The following SLC24A3 variants were observed in gnomAD, a reference collection of about 807,000 sequenced individuals.
SLC24A3 encodes the protein sodium/potassium/calcium exchanger 3.
SLC24A3 carries 28 observed loss-of-function variants against 75.8 expected under a neutral mutation model. The ratio of observed to expected loss-of-function variants is 0.37; its 90% CI spans 0.27 to 0.51. The LOEUF (loss-of-function observed/expected upper bound fraction) is 0.51, where lower values mean the gene tolerates loss of function less well. Ranked by LOEUF, SLC24A3 falls within the 20% of genes least tolerant of loss-of-function variation. SLC24A3 has a pLI of 0.94. For missense variants in SLC24A3, 663 were observed against 847.8 expected, an observed-to-expected ratio of 0.78 and a Z score of 2.71; for synonymous variants, 372 against 334.1, an observed-to-expected ratio of 1.11 and a Z score of -1.24.
chr20:19,520,876 T>C (rs1380985921), intron 3 of SLC24A3, among the ~76,000 whole-genome samples: 1 of 152,222 alleles, frequency 6.6e-6, no homozygotes, highest in East Asian at 1.9e-4. Context: ...CAGAATGTGC[T>C]TTCTGTCTCA....
chr20:19,589,219 G>T (rs1411671509), intron 6 of SLC24A3, among the ~76,000 whole-genome samples: 1 of 152,268 alleles, frequency 6.6e-6, no homozygotes, highest in Non-Finnish European at 1.5e-5. Flanking sequence ...GTGGAGGAAA[G>T]TGTGTTAGCA....
intron 2 of SLC24A3, among the ~76,000 whole-genome samples, chr20:19,356,852 TTAA>T (rs11275262): frequency 8.7e-5 from 13 of 149,818 alleles, no homozygotes; most frequent in Non-Finnish European, 1.2e-4. Context: ...AGACTTTGCA[TTAA>T]TAATAATAAT....
intron 3 of SLC24A3, among the ~76,000 whole-genome samples, chr20:19,571,433 A>C (rs1443089738): frequency 2.6e-5 from 4 of 152,158 alleles, no homozygotes; most frequent in African/African-American, 9.7e-5. Flanking sequence ...ATTGTGAAAA[A>C]GGCATCTTCA....
intron 2 of SLC24A3, among the ~76,000 whole-genome samples, chr20:19,499,818 A>G (rs1988357728): frequency 6.6e-6 from 1 of 152,168 alleles, no homozygotes; most frequent in Non-Finnish European, 1.5e-5. Context: ...ACACACATGG[A>G]TGCTACATAC....
chr20:19,314,691 G>A (rs1276123203), intron 2 of SLC24A3, among the ~76,000 whole-genome samples: 2 of 152,306 alleles, frequency 1.3e-5, no homozygotes, highest in African/African-American at 2.4e-5. Context: ...GAGTTGCTGC[G>A]GAAGCTTCTC....
chr20:19,230,757 G>A (rs1981998754), intron 1 of SLC24A3, among the ~76,000 whole-genome samples: 1 of 152,062 alleles, frequency 6.6e-6, no homozygotes. Flanking sequence ...CCCTTCCACA[G>A]TCCGCATGTC....
intron 6 of SLC24A3, among the ~76,000 whole-genome samples, chr20:19,594,703 G>T (rs1386460866): frequency 1.3e-5 from 2 of 152,142 alleles, no homozygotes; most frequent in African/African-American, 2.4e-5. Context: ...TGGCTGAGTG[G>T]ATGGATGGAT....
intron 2 of SLC24A3, among the ~76,000 whole-genome samples, chr20:19,374,591 T>C (rs900629022): frequency 2.6e-5 from 4 of 152,216 alleles, no homozygotes; most frequent in African/African-American, 7.2e-5. Context: ...TAATATGCAC[T>C]GTCCTTTCAC....
At chr20:19,234,766 G>A (rs1026203370) in intron 1 of SLC24A3, among the ~76,000 whole-genome samples, 2 of 152,188 alleles carry the variant, frequency 1.3e-5, no homozygotes, top group African/African-American at 2.4e-5. Flanking sequence ...CTGGGAAGAG[G>A]AACAGCACCT....
intron 2 of SLC24A3, among the ~76,000 whole-genome samples, chr20:19,492,997 T>G (rs961736326): frequency 6.6e-6 from 1 of 152,222 alleles, no homozygotes; most frequent in African/African-American, 2.4e-5. Context: ...CAATAATGTT[T>G]TATATGTCTC....
chr20:19,366,798 GA>G (rs138223724), intron 2 of SLC24A3, among the ~76,000 whole-genome samples: 2,951 of 152,290 alleles, frequency 0.019, 99 homozygotes, highest in African/African-American at 0.068. Context: ...AAAATATTTG[GA>G]AGGTAAAATA....
intron 15 of SLC24A3, among the ~76,000 whole-genome samples, chr20:19,705,801 T>G (rs1376976098): frequency 6.6e-6 from 1 of 152,186 alleles, no homozygotes; most frequent in Admixed American, 6.5e-5. Flanking sequence ...GTTTAAGCAT[T>G]TGGCAGGGAA....
chr20:19,572,470 G>A (rs1037764918), intron 3 of SLC24A3, among the ~76,000 whole-genome samples: 2 of 143,822 alleles, frequency 1.4e-5, no homozygotes, highest in African/African-American at 5.2e-5. Flanking sequence ...AGCCCACTCA[G>A]GGGTACTGAT....
chr20:19,333,397 C>T (rs1985045317), intron 2 of SLC24A3, among the ~76,000 whole-genome samples: 1 of 152,132 alleles, frequency 6.6e-6, no homozygotes, highest in South Asian at 2.1e-4. Context: ...GTGGGAGCTT[C>T]AGTGGCCCCA....
At chr20:19,271,217 G>A (rs1415553899) in intron 1 of SLC24A3, among the ~76,000 whole-genome samples, 1 of 152,084 alleles carries the variant, frequency 6.6e-6, no homozygotes, top group African/African-American at 2.4e-5. Context: ...GAAGCCTTCT[G>A]AAGCAATTTC....
chr20:19,370,441 G>T (rs997166277), intron 2 of SLC24A3, among the ~76,000 whole-genome samples: 1 of 152,206 alleles, frequency 6.6e-6, no homozygotes, highest in African/African-American at 2.4e-5. Context: ...GGCACCCACA[G>T]CCTCTATGGG....
intron 3 of SLC24A3, among the ~76,000 whole-genome samples, chr20:19,522,713 G>A (rs2030124240): frequency 6.6e-6 from 1 of 152,154 alleles, no homozygotes; most frequent in Non-Finnish European, 1.5e-5. Flanking sequence ...ACAGAACGGG[G>A]TGGCGCAGGA....
intron 3 of SLC24A3, among the ~76,000 whole-genome samples, chr20:19,518,983 T>G (rs1229361501): frequency 4.0e-5 from 6 of 151,614 alleles, no homozygotes; most frequent in African/African-American, 1.5e-4. Context: ...GGCAGGGGAG[T>G]GATGGTCTTC....
rs186755293 is a variant in SLC24A3 at position 19,711,447 on chromosome 20, C to T, written c.1720-6081C>T. On this transcript the variant is annotated intron_variant, in intron 15 of 16. Transcript: ENST00000328041. ...ACACATGCAAACACATGCAGGCAAACGCGTGCACACACACACATGCACAAA... is the reference window on the plus strand; with the variant it reads ...ACACATGCAAACACATGCAGGCAAATGCGTGCACACACACACATGCACAAA... Among the ~76,000 whole-genome samples, 25 of 151,546 alleles carry T rather than the reference C, an allele frequency of 1.6e-4. 1 individual carries two copies. Among genetic ancestry groups the T allele is most frequent in the East Asian group, 3.9e-4 (2 of 5,132 alleles).
Sources: allele counts gnomAD v4.1 joint callset (sites outside exome capture counted in the v4.1 genomes callset), GRCh38; gene constraint gnomAD v4.1.1; transcripts MANE v1.5; gene names NCBI Gene and HGNC (gene_info 2026-07-23, HGNC 2026-07-21).